TLE3: variants seen among roughly 807,000 people sequenced by gnomAD.
TLE3 encodes the protein transducin-like enhancer protein 3.
In TLE3, 14 loss-of-function variants were observed where a neutral mutation model predicts 93.0. The ratio of observed to expected loss-of-function variants is 0.15; its 90% CI spans 0.10 to 0.24. The LOEUF is 0.24. Ranked by LOEUF, TLE3 falls within the 10% of genes least tolerant of loss-of-function variation. The pLI is 1.00. For synonymous variants in TLE3, 451 were observed against 425.0 expected, an observed-to-expected ratio of 1.06 and a Z score of -0.75; for missense variants, 693 against 1,046.6, an observed-to-expected ratio of 0.66 and a Z score of 4.66.
At chr15:70,061,045 A>AG (rs2056441548) in intron 8 of TLE3, among the ~76,000 whole-genome samples, 2 of 152,174 alleles carry the variant, frequency 1.3e-5, no homozygotes, top group African/African-American at 4.8e-5. Context: ...TGGAATTTGC[A>AG]CTGAGTCTTG....
intron 4 of TLE3, among the ~76,000 whole-genome samples, chr15:70,083,152 G>A (rs1347305197): frequency 6.6e-6 from 1 of 152,112 alleles, no homozygotes; most frequent in Non-Finnish European, 1.5e-5. Context: ...AATGAATTAG[G>A]TGCTGTGTGA....
In TLE3 at chr15:70,054,703, A is replaced by G. The variant is rs760088110; in HGVS notation, c.1579-18T>C. ...TCCCTGTTCTGGAGGGAGAAGGGGC[A>G]GGGCTGAGTGCTGCCTACTTCCCCT... On this transcript the variant is annotated intron_variant, in intron 15 of 19. Coordinates refer to ENST00000451782, the MANE Select transcript of TLE3 (RefSeq NM_001105192.3). 2 of 1,560,742 alleles carry G rather than the reference A, an allele frequency of 1.3e-6. No individual in the cohort carries two copies. The highest frequency in any genetic ancestry group is 1.7e-6 in the Non-Finnish European group (2 of 1,149,878).
chr15:70,056,550 C>A lies in TLE3; in HGVS notation c.1252-176G>T, dbSNP rs532175262. On this transcript the variant is annotated intron_variant, in intron 13 of 19. Transcript: ENST00000451782. Reference sequence around the variant, plus strand: ...CAGAGGAGACACAGGCCCAGGACAGCCCGTGGCAGGGAAGGGGTGACAGTG... The same window carrying A: ...CAGAGGAGACACAGGCCCAGGACAGACCGTGGCAGGGAAGGGGTGACAGTG... Among the ~76,000 whole-genome samples, 230 of 152,248 alleles carry A rather than the reference C, an allele frequency of 1.5e-3. 1 individual carries two copies. The highest frequency in any genetic ancestry group is 5.2e-3 in the African/African-American group (215 of 41,536).
At chr15:70,064,957 A>AT (rs1186172715) in intron 7 of TLE3, among the ~76,000 whole-genome samples, 2 of 151,972 alleles carry the variant, frequency 1.3e-5, no homozygotes, top group Admixed American at 1.3e-4. Context: ...TGTTTTTGAA[A>AT]TTAACACCAT....
At chr15:70,065,930 T>C in intron 7 of TLE3, 84 bp downstream of exon 7, 1 of 1,416,606 alleles carries the variant, frequency 7.1e-7, no homozygotes, top group South Asian at 1.3e-5. Flanking sequence ...ACGACAGCAC[T>C]TGCTGGGTCC....
At chr15:70,095,669 G>A in intron 2 of TLE3, 28 bp from the exon 3 acceptor site, 1 of 1,550,794 alleles carries the variant, frequency 6.4e-7, no homozygotes. Flanking sequence ...GCCGGCTCAG[G>A]CGTGGCGCCT....
chr15:70,077,173 A>G (rs1208262285), intron 4 of TLE3, among the ~76,000 whole-genome samples: 1 of 152,224 alleles, frequency 6.6e-6, no homozygotes, highest in South Asian at 2.1e-4. Context: ...CTGCATTTAG[A>G]AAGTCAACAG....
intron 4 of TLE3, among the ~76,000 whole-genome samples, chr15:70,090,865 C>T (rs1242652341): frequency 6.6e-6 from 1 of 152,142 alleles, no homozygotes; most frequent in Non-Finnish European, 1.5e-5. Flanking sequence ...TTATACAACC[C>T]GAAATGGGGC....
intron 4 of TLE3, among the ~76,000 whole-genome samples, chr15:70,090,248 G>C (rs988676321): frequency 2.0e-5 from 3 of 152,052 alleles, no homozygotes; most frequent in African/African-American, 7.2e-5. Context: ...TCTGTTCCAG[G>C]GAAGATCAAT....
intron 8 of TLE3, 126 bp downstream of exon 8, chr15:70,064,328 C>T (rs909349186): frequency 5.2e-6 from 6 of 1,145,972 alleles, no homozygotes; most frequent in African/African-American, 3.1e-5. Context: ...AGAGCAGAAG[C>T]GGGAACCCAG....
intron 3 of TLE3, 136 bp from the exon 4 acceptor site, chr15:70,094,712 C>A: frequency 1.5e-6 from 1 of 676,114 alleles, no homozygotes; most frequent in Non-Finnish European, 2.5e-6. Context: ...AATCAAACCC[C>A]AAAGCCAGCT....
chr15:70,093,863 C>G (rs576999156), intron 4 of TLE3, among the ~76,000 whole-genome samples: 3 of 152,274 alleles, frequency 2.0e-5, no homozygotes, highest in East Asian at 3.9e-4. Flanking sequence ...CCAGCCATCT[C>G]GAAAGTCCTG....
At position 70,048,782 on chromosome 15, in the gene TLE3, G is replaced by C. The variant is rs904207094; in HGVS notation, c.*1315C>G. On this transcript the variant is annotated 3_prime_UTR_variant, in exon 20 of 20. Transcript: ENST00000451782. ...GGCCACAAGAGACTGCAATCTGCAAGAAATATCCACAGTGTGCCAGGATCT... is the reference window on the plus strand; with the variant it reads ...GGCCACAAGAGACTGCAATCTGCAACAAATATCCACAGTGTGCCAGGATCT... The C allele has an allele frequency of 2.0e-5, 3 of 152,132 alleles. No homozygotes were observed. Among genetic ancestry groups the C allele is most frequent in the African/African-American group, 7.2e-5 (3 of 41,420 alleles). 9.4% of individuals were successfully genotyped at this position (152,132 alleles called of 1,614,324 possible).
At chr15:70,071,509 C>T (rs2057158133) in intron 6 of TLE3, among the ~76,000 whole-genome samples, 1 of 152,178 alleles carries the variant, frequency 6.6e-6, no homozygotes, top group Non-Finnish European at 1.5e-5. Context: ...GATAAATATG[C>T]CACCAGCTAC....
In TLE3 at chr15:70,055,317, G is replaced by T. The variant is rs756827468; in HGVS notation, c.1329-19C>A. ...GTACGCTCTGAAAAGGTGAGAAACC[G>T]TCACTGCTGCCATCCACCCCGGCCC... On this transcript the variant is annotated intron_variant, in intron 14 of 19. Coordinates refer to ENST00000451782, the MANE Select transcript of TLE3 (RefSeq NM_001105192.3). 6.5e-7 allele frequency: 1 copy of T among 1,547,346 alleles called. No individual in the cohort carries two copies. The highest frequency in any genetic ancestry group is 1.2e-5 in the South Asian group (1 of 81,694).
At chr15:70,056,469 G>C in intron 13 of TLE3, 95 bp from the exon 14 acceptor site, 1 of 1,121,816 alleles carries the variant, frequency 8.9e-7, no homozygotes, top group Non-Finnish European at 1.3e-6. Flanking sequence ...CTACCTGCAC[G>C]GCTCTGCCAC....
At chr15:70,053,079 G>C (rs1165200254) in intron 17 of TLE3, 148 bp downstream of exon 17, 3 of 999,820 alleles carry the variant, frequency 3.0e-6, no homozygotes, top group African/African-American at 1.6e-5. Context: ...CTTCCTCCAG[G>C]AAGCCTTCCC....
chr15:70,070,165 G>A (rs1005434557), intron 6 of TLE3, among the ~76,000 whole-genome samples: 1 of 152,214 alleles, frequency 6.6e-6, no homozygotes, highest in African/African-American at 2.4e-5. Flanking sequence ...CCATGCATGG[G>A]CGTTCACTTT....
intron 4 of TLE3, among the ~76,000 whole-genome samples, chr15:70,091,523 G>C (rs537521049): frequency 6.6e-6 from 1 of 152,236 alleles, no homozygotes; most frequent in Admixed American, 6.5e-5. Context: ...AGGGGGCTTG[G>C]TGGAGGTGGG....
Sources: allele counts gnomAD v4.1 joint callset (sites outside exome capture counted in the v4.1 genomes callset), GRCh38; gene constraint gnomAD v4.1.1; transcripts MANE v1.5; gene names NCBI Gene and HGNC (gene_info 2026-07-23, HGNC 2026-07-21).